FKBP5: variants seen among roughly 807,000 people sequenced by gnomAD.
FKBP5 encodes the protein peptidyl-prolyl cis-trans isomerase FKBP5.
Under a neutral mutation model 50.5 loss-of-function variants are expected in FKBP5, and 23 were observed. The observed-to-expected ratio is 0.46, with a 90% CI of 0.33 to 0.65. The LOEUF is 0.65. FKBP5 is among the 30% of genes least tolerant of loss of function. FKBP5 has a pLI of 0.02. For synonymous variants in FKBP5, 176 were observed against 190.6 expected (o/e 0.92, Z 0.63); for missense variants, 411 against 553.1 (o/e 0.74, Z 2.58).
intron 8 of FKBP5, 125 bp downstream of exon 8, chr6:35,586,909 T>C: frequency 2.6e-6 from 4 of 1,532,850 alleles, no homozygotes; most frequent in Non-Finnish European, 3.5e-6. Context: ...GACAGATTTA[T>C]AAAAATTGCA....
At chr6:35,718,088 G>T (rs1437930898) in intron 2 of FKBP5, among the ~76,000 whole-genome samples, 2 of 152,190 alleles carry the variant, frequency 1.3e-5, no homozygotes, top group African/African-American at 4.8e-5. Flanking sequence ...TGGAGACCTG[G>T]ATGACACCAC....
chr6:35,676,115 C>T (rs781235585), intron 1 of FKBP5, among the ~76,000 whole-genome samples: 4 of 152,028 alleles, frequency 2.6e-5, no homozygotes, highest in Non-Finnish European at 5.9e-5. Flanking sequence ...GATTTGACGT[C>T]ATAGTGTAAA....
intron 8 of FKBP5, chr6:35,585,581 A>T: frequency 1.0e-6 from 1 of 985,210 alleles, no homozygotes; most frequent in Non-Finnish European, 1.2e-6. Context: ...TTATTCTATC[A>T]TACCCCCATG....
Position 35,593,932 on chromosome 6 carries a change from T to C in FKBP5, c.666-2712A>G, listed in dbSNP as rs377244993. Reference sequence around the variant, plus strand: ...GACGGAAAAAAAAGTTAAAACTATATACACTTGACCTAAAACAAAAAAGAT... The same window carrying C: ...GACGGAAAAAAAAGTTAAAACTATACACACTTGACCTAAAACAAAAAAGAT... On this transcript the variant is annotated intron_variant, in intron 6 of 10. Coordinates refer to ENST00000357266, the MANE Select transcript of FKBP5 (RefSeq NM_004117.4). Among the ~76,000 whole-genome samples, 6 of 152,240 alleles carry C rather than the reference T, an allele frequency of 3.9e-5. No homozygotes were observed. In the East Asian group the frequency reaches 7.7e-4, roughly 20 times the overall value.
chr6:35,606,252 G>A (rs1254372614), intron 5 of FKBP5, among the ~76,000 whole-genome samples: 1 of 152,108 alleles, frequency 6.6e-6, no homozygotes, highest in Non-Finnish European at 1.5e-5. Context: ...CAAAGGACAC[G>A]AAGAAGCAGC....
At chr6:35,590,505 T>C (rs2150959962) in intron 7 of FKBP5, among the ~76,000 whole-genome samples, 2 of 152,094 alleles carry the variant, frequency 1.3e-5, no homozygotes, top group South Asian at 4.2e-4. Flanking sequence ...AGAGTGAAAC[T>C]GAGATGGAAA....
At chr6:35,592,571 A>T (rs577836180) in intron 6 of FKBP5, among the ~76,000 whole-genome samples, 141 of 152,116 alleles carry the variant, frequency 9.3e-4, no homozygotes, top group Admixed American at 3.9e-3. Flanking sequence ...AATAAATTTT[A>T]AAAAAATTCC....
intron 1 of FKBP5, chr6:35,664,777 C>T (rs1765168897): frequency 6.5e-6 from 1 of 154,146 alleles, no homozygotes; most frequent in African/African-American, 2.4e-5. Flanking sequence ...GAGGTAGTAG[C>T]TGAAATTAAA....
intron 1 of FKBP5, among the ~76,000 whole-genome samples, chr6:35,644,884 G>T (rs1764588398): frequency 6.6e-6 from 1 of 152,258 alleles, no homozygotes; most frequent in South Asian, 2.1e-4. Flanking sequence ...ATTTCCTGGG[G>T]ATTCACAGAG....
chr6:35,704,308 T>C (rs1766243625), intron 2 of FKBP5, among the ~76,000 whole-genome samples: 1 of 152,198 alleles, frequency 6.6e-6, no homozygotes, highest in African/African-American at 2.4e-5. Flanking sequence ...GCCACTGTGG[T>C]TTCCAGGATG....
chr6:35,615,154 C>CACA (rs1554132893), intron 5 of FKBP5, among the ~76,000 whole-genome samples: 11 of 64,752 alleles, frequency 1.7e-4, no homozygotes, highest in African/African-American at 3.9e-4. Flanking sequence ...ACAACAACAA[C>CACA]TACACACACA....
intron 8 of FKBP5, chr6:35,582,962 C>G: frequency 1.2e-5 from 10 of 824,100 alleles, no homozygotes; most frequent in Non-Finnish European, 1.5e-5. Flanking sequence ...TGGCTCACGC[C>G]TATAGTCCCA....
At chr6:35,690,986 A>G (rs540654893), upstream of FKBP5, among the ~76,000 whole-genome samples, 10 of 152,270 alleles carry the variant, frequency 6.6e-5, no homozygotes, top group East Asian at 1.7e-3. Flanking sequence ...AGCCTGGGCA[A>G]CAAGAGCAAA....
At chr6:35,670,744 G>GAAAGA (rs1167670822) in intron 1 of FKBP5, among the ~76,000 whole-genome samples, 11 of 141,216 alleles carry the variant, frequency 7.8e-5, no homozygotes, top group South Asian at 4.3e-4. Context: ...AAAAAAAAAA[G>GAAAGA]AAAGAAAAGA....
rs150082593 is a variant in FKBP5 at position 35,663,772 on chromosome 6, T to C, written c.-19-20929A>G. On this transcript the variant is annotated intron_variant, in intron 1 of 10. Transcript: ENST00000357266. ...TTTCTTATCAGAGTTGTTTTACTGTTACCGGAAATAAAAGAGCAAAAATCG... is the reference window on the plus strand; with the variant it reads ...TTTCTTATCAGAGTTGTTTTACTGTCACCGGAAATAAAAGAGCAAAAATCG... 3.2e-3 allele frequency among the ~76,000 whole-genome samples: 484 copies of C among 152,316 alleles called. 1 individual carries two copies. Among genetic ancestry groups the C allele is most frequent in the African/African-American group, 0.01 (421 of 41,560 alleles).
chr6:35,714,452 C>CA (rs371107974), intron 2 of FKBP5, among the ~76,000 whole-genome samples: 53,659 of 104,050 alleles, frequency 0.52, 12,662 homozygotes, highest in Middle Eastern at 0.66. Flanking sequence ...AACACTGCCT[C>CA]AAAAAAAAAA....
At chr6:35,697,533 G>C (rs1766103882) in intron 2 of FKBP5, among the ~76,000 whole-genome samples, 1 of 123,466 alleles carries the variant, frequency 8.1e-6, no homozygotes, top group Non-Finnish European at 1.6e-5. Flanking sequence ...GGCAACGAGA[G>C]TGAAACTCTG....
At chr6:35,707,215 C>CTTT (rs34841223) in intron 2 of FKBP5, among the ~76,000 whole-genome samples, 52,744 of 116,328 alleles carry the variant, frequency 0.45, 13,005 homozygotes, top group East Asian at 0.61. Flanking sequence ...TATGAGAAGA[C>CTTT]TTTTTTTTTT....
At chr6:35,675,891 C>T (rs1765512025) in intron 1 of FKBP5, among the ~76,000 whole-genome samples, 1 of 152,174 alleles carries the variant, frequency 6.6e-6, no homozygotes. Context: ...TACCCTCAGG[C>T]TTGCCCACCC....
Sources: allele counts gnomAD v4.1 joint callset (sites outside exome capture counted in the v4.1 genomes callset), GRCh38; gene constraint gnomAD v4.1.1; transcripts MANE v1.5; gene names NCBI Gene and HGNC (gene_info 2026-07-23, HGNC 2026-07-21).